The following CLEC20A variants were observed in gnomAD, a reference collection of about 807,000 sequenced individuals.
The protein encoded by CLEC20A is C-type lectin domain containing 20A.
At chr1:178,498,604 A>G (rs1649454593), upstream of CLEC20A, among the ~76,000 whole-genome samples, 1 of 152,168 alleles carries the variant, frequency 6.6e-6, no homozygotes, top group South Asian at 2.1e-4. Flanking sequence ...ATAAATAAAT[A>G]AACAAGTAAA....
chr1:178,493,188 G>A (rs1364183117), intron 2 of CLEC20A, among the ~76,000 whole-genome samples: 3 of 152,106 alleles, frequency 2.0e-5, no homozygotes, highest in African/African-American at 7.2e-5. Context: ...GACAGTGTGG[G>A]GAGCGGGAGA....
At chr1:178,497,996 C>T (rs1430225389), upstream of CLEC20A, among the ~76,000 whole-genome samples, 1 of 151,876 alleles carries the variant, frequency 6.6e-6, no homozygotes, top group Non-Finnish European at 1.5e-5. Flanking sequence ...AAATTGTGGA[C>T]CAGGCAGGCT....
intron 3 of CLEC20A, among the ~76,000 whole-genome samples, chr1:178,492,231 G>A (rs1202262310): frequency 6.6e-6 from 1 of 152,126 alleles, no homozygotes; most frequent in African/African-American, 2.4e-5. Context: ...AGCTGTGAGT[G>A]TGCCACTGTA....
chr1:178,496,970 G>A (rs1649411024), upstream of CLEC20A: 2 of 400,184 alleles, frequency 5.0e-6, no homozygotes, highest in Admixed American at 4.4e-5. Context: ...ATGGCTGGGT[G>A]CTGGCTGGGC....
At chr1:178,486,364 G>A (rs1011859090) in intron 5 of CLEC20A, 1 of 398,452 alleles carries the variant, frequency 2.5e-6, no homozygotes, top group Non-Finnish European at 4.4e-6. Flanking sequence ...CGCCCCAAGA[G>A]AGGAACTCCC....
upstream of CLEC20A, among the ~76,000 whole-genome samples, chr1:178,498,751 C>T (rs532277388): frequency 1.3e-5 from 2 of 152,268 alleles, no homozygotes; most frequent in South Asian, 2.1e-4. Flanking sequence ...GGCCTAAGGG[C>T]GAAGACTTTC....
upstream of CLEC20A, among the ~76,000 whole-genome samples, chr1:178,498,213 G>A (rs866581416): frequency 1.3e-5 from 2 of 152,052 alleles, no homozygotes; most frequent in African/African-American, 4.8e-5. Flanking sequence ...AAAAGCATGA[G>A]GTTGGGAGGT....
intron 2 of CLEC20A, among the ~76,000 whole-genome samples, chr1:178,492,888 CA>C (rs1649298717): frequency 6.6e-6 from 1 of 152,138 alleles, no homozygotes; most frequent in South Asian, 2.1e-4. Context: ...GAGAAGGAGC[CA>C]AAGGAATTCA....
At chr1:178,490,973 C>T (rs955314909) in intron 3 of CLEC20A, among the ~76,000 whole-genome samples, 4 of 152,146 alleles carry the variant, frequency 2.6e-5, no homozygotes, top group Admixed American at 6.5e-5. Flanking sequence ...ATGAACTGTG[C>T]GATGTTCCTA....
exon 4 of CLEC20A, chr1:178,490,381 A>G (rs939290299): frequency 5.0e-6 from 2 of 398,522 alleles, no homozygotes; most frequent in African/African-American, 2.1e-5. Flanking sequence ...AGGGCCGAGG[A>G]CCATGTCATC....
At chr1:178,491,785 A>G (rs141134178) in intron 3 of CLEC20A, among the ~76,000 whole-genome samples, 220 of 152,310 alleles carry the variant, frequency 1.4e-3, no homozygotes, top group African/African-American at 5.0e-3. Context: ...AAAGACACCA[A>G]TGCAGTAATA....
At chr1:178,498,859 A>T (rs1487605335), upstream of CLEC20A, among the ~76,000 whole-genome samples, 3 of 152,186 alleles carry the variant, frequency 2.0e-5, no homozygotes, top group South Asian at 4.1e-4. Context: ...TGGGCAAAAG[A>T]GAAAGAGGGG....
intron 3 of CLEC20A, among the ~76,000 whole-genome samples, chr1:178,491,410 T>C (rs529408361): frequency 6.6e-6 from 1 of 152,270 alleles, no homozygotes; most frequent in African/African-American, 2.4e-5. Flanking sequence ...AAGATTTGCC[T>C]CCAATTTCCC....
chr1:178,496,659 G>A (rs919342148), intron 1 of CLEC20A: 2 of 395,370 alleles, frequency 5.1e-6, no homozygotes, highest in Non-Finnish European at 8.9e-6. Flanking sequence ...AAAGCTGCTG[G>A]AGCCGCACTG....
chr1:178,480,483 C>T (rs1010876799), intron 7 of CLEC20A: 1 of 152,250 alleles, frequency 6.6e-6, no homozygotes, highest in Non-Finnish European at 1.5e-5. Context: ...ATCAAATATG[C>T]TACATTTGAC....
intron 2 of CLEC20A, chr1:178,493,843 C>G (rs1434079503): frequency 6.6e-6 from 1 of 152,266 alleles, no homozygotes; most frequent in African/African-American, 2.4e-5. Flanking sequence ...GCCTGTCTTT[C>G]CCTCTTGGCT....
At chr1:178,488,031 C>G (rs1649190428) in intron 5 of CLEC20A, among the ~76,000 whole-genome samples, 1 of 152,216 alleles carries the variant, frequency 6.6e-6, no homozygotes, top group African/African-American at 2.4e-5. Context: ...GCCAACAGCT[C>G]ATCATCCCTC....
At chr1:178,482,597 A>G (rs2295019) in intron 6 of CLEC20A, 200 bp from the exon 7 acceptor site, 43,688 of 386,410 alleles carry the variant, frequency 0.11, 2,605 homozygotes, top group Middle Eastern at 0.16. Context: ...AAAGAGTCCC[A>G]TGCTTTGGGT....
chr1:178,490,611 A>AAGAAT (rs1285765596), intron 3 of CLEC20A, among the ~76,000 whole-genome samples, 174 bp from the exon 4 acceptor site: 1 of 152,240 alleles, frequency 6.6e-6, no homozygotes, highest in Non-Finnish European at 1.5e-5. Context: ...ACCAGGATGG[A>AAGAAT]AGAATGGATG....
Sources: gnomAD v4.1 joint callset for allele counts (sites outside exome capture counted in the v4.1 genomes callset) on GRCh38, gnomAD v4.1.1 for gene constraint, MANE v1.5 for transcripts, NCBI Gene and HGNC (gene_info 2026-07-23, HGNC 2026-07-21) for gene names.